Variants in RBM20 observed in about 807,000 individuals in gnomAD.
RBM20 encodes RNA binding motif protein 20, also known as RNA-binding protein 20.
A neutral mutation model predicts 110.1 loss-of-function variants in RBM20; 51 were observed. The ratio of observed to expected loss-of-function variants is 0.46; its 90% CI spans 0.37 to 0.59. The LOEUF (loss-of-function observed/expected upper bound fraction) is 0.59. Ranked by LOEUF, RBM20 falls within the 20% of genes least tolerant of loss-of-function variation. The pLI is 0.00. For synonymous variants in RBM20, 589 were observed against 618.2 expected, an observed-to-expected ratio of 0.95 and a Z score of 0.70; for missense variants, 1,512 against 1,574.9, an observed-to-expected ratio of 0.96 and a Z score of 0.68.
intron 1 of RBM20, among the ~76,000 whole-genome samples, chr10:110,746,435 G>A (rs1284841113): frequency 6.6e-6 from 1 of 152,146 alleles, no homozygotes; most frequent in African/African-American, 2.4e-5. Context: ...ATTTAGTATG[G>A]CTGTACCTTA....
At chr10:110,711,934 A>AAGGT (rs1422981389) in intron 1 of RBM20, among the ~76,000 whole-genome samples, 1 of 152,102 alleles carries the variant, frequency 6.6e-6, no homozygotes, top group African/African-American at 2.4e-5. Flanking sequence ...TTAATATTGT[A>AAGGT]AGGTAATGTG....
chr10:110,657,307 G>GCC (rs891562674), intron 1 of RBM20, among the ~76,000 whole-genome samples: 3 of 151,630 alleles, frequency 2.0e-5, no homozygotes, highest in African/African-American at 7.3e-5. Flanking sequence ...GAGCCACCAT[G>GCC]CCCGGCCTGT....
chr10:110,752,556 A>C (rs916981776), intron 1 of RBM20, among the ~76,000 whole-genome samples: 3 of 152,234 alleles, frequency 2.0e-5, no homozygotes, highest in African/African-American at 7.2e-5. Flanking sequence ...TGATCTGCTA[A>C]ACACTGAACT....
chr10:110,662,880 C>T (rs1192886201), intron 1 of RBM20, among the ~76,000 whole-genome samples: 2 of 152,172 alleles, frequency 1.3e-5, no homozygotes, highest in African/African-American at 4.8e-5. Context: ...CTGTTCATCC[C>T]TACATTGGAC....
At chr10:110,702,956 T>G (rs1862780393) in intron 1 of RBM20, among the ~76,000 whole-genome samples, 2 of 151,938 alleles carry the variant, frequency 1.3e-5, no homozygotes, top group African/African-American at 4.8e-5. Flanking sequence ...TAATAAATAT[T>G]AAGAGTTTGG....
intron 1 of RBM20, among the ~76,000 whole-genome samples, chr10:110,729,230 CT>C (rs1196453978): frequency 6.6e-6 from 1 of 152,158 alleles, no homozygotes; most frequent in African/African-American, 2.4e-5. Context: ...CTCAATAATC[CT>C]TTTCACGTAA....
chr10:110,767,803 G>A (rs1269068256), intron 1 of RBM20, among the ~76,000 whole-genome samples: 1 of 151,990 alleles, frequency 6.6e-6, no homozygotes, highest in Non-Finnish European at 1.5e-5. Flanking sequence ...TCACTTCCTA[G>A]ATGGGATGGC....
chr10:110,722,952 A>T (rs1843524808), intron 1 of RBM20, among the ~76,000 whole-genome samples: 1 of 152,050 alleles, frequency 6.6e-6, no homozygotes, highest in African/African-American at 2.4e-5. Context: ...TCTCTACTAA[A>T]AATATATAAA....
At chr10:110,775,848 C>T (rs1169668822) in intron 1 of RBM20, among the ~76,000 whole-genome samples, 1 of 152,188 alleles carries the variant, frequency 6.6e-6, no homozygotes, top group Admixed American at 6.5e-5. Context: ...TCATGTCCAG[C>T]AAAGTACAGG....
chr10:110,733,517 G>A (rs1049497277), intron 1 of RBM20, among the ~76,000 whole-genome samples: 1 of 152,242 alleles, frequency 6.6e-6, no homozygotes, highest in Non-Finnish European at 1.5e-5. Context: ...AGTGATTTGT[G>A]GTTACTATGA....
At chr10:110,794,426 A>G (rs994985968) in intron 5 of RBM20, among the ~76,000 whole-genome samples, 1 of 152,260 alleles carries the variant, frequency 6.6e-6, no homozygotes, top group Non-Finnish European at 1.5e-5. Flanking sequence ...ACACAAAAGC[A>G]AACTATTAAC....
intron 1 of RBM20, among the ~76,000 whole-genome samples, chr10:110,700,130 C>T (rs896410686): frequency 2.0e-4 from 30 of 152,108 alleles, no homozygotes; most frequent in African/African-American, 5.6e-4. Flanking sequence ...GTTTGGAAAG[C>T]GAAACTGTGG....
intron 1 of RBM20, among the ~76,000 whole-genome samples, chr10:110,712,492 T>A (rs1419704828): frequency 6.6e-6 from 1 of 152,150 alleles, no homozygotes; most frequent in African/African-American, 2.4e-5. Flanking sequence ...AGAGGCTGGG[T>A]GCGGTGGCTC....
intron 1 of RBM20, among the ~76,000 whole-genome samples, chr10:110,660,380 T>C (rs1862084888): frequency 6.6e-6 from 1 of 152,226 alleles, no homozygotes; most frequent in African/African-American, 2.4e-5. Flanking sequence ...TTTTGCTTTA[T>C]TTCTTCCACT....
chr10:110,793,758 A>G (rs1040768316), intron 5 of RBM20, among the ~76,000 whole-genome samples: 2 of 152,362 alleles, frequency 1.3e-5, no homozygotes, highest in East Asian at 3.9e-4. Flanking sequence ...GTGATGTGCT[A>G]AGTTAAAATG....
At position 110,781,793 on chromosome 10, in the gene RBM20, A is replaced by G. The variant is rs2135044852; in HGVS notation, c.1184A>G (p.Gln395Arg). ...DQALLSVRPL[Q>R]AHELNDFHGV... ...GCGTTGCTATCTGTGCGGCCCCTGC[A>G]GGCTCATGAGCTGAACGACTTTCAC... The change falls in exon 2 of 14, where the codon CAG becomes CGG. Residue 395 changes from glutamine (Q) to arginine (R), a missense_variant. This residue lies in a region of RBM20 where 1,149 missense variants were observed against 1,169.4 expected (regional missense o/e 0.98). Transcript: ENST00000369519. 3 of 1,551,790 alleles carry G rather than the reference A, an allele frequency of 1.9e-6. No individual in the cohort carries two copies. The highest frequency in any genetic ancestry group is 2.6e-6 in the Non-Finnish European group (3 of 1,147,002).
At chr10:110,675,207 G>A (rs1254714129) in intron 1 of RBM20, among the ~76,000 whole-genome samples, 3 of 152,134 alleles carry the variant, frequency 2.0e-5, no homozygotes, top group Non-Finnish European at 2.9e-5. Context: ...GGCTATACCC[G>A]GAAAAGAGCA....
At chr10:110,670,244 T>G (rs1159113217) in intron 1 of RBM20, among the ~76,000 whole-genome samples, 2 of 152,320 alleles carry the variant, frequency 1.3e-5, no homozygotes, top group Non-Finnish European at 2.9e-5. Context: ...TGCTTCAACT[T>G]GATTTCCTAG....
intron 8 of RBM20, among the ~76,000 whole-genome samples, chr10:110,810,802 TGTGTGTGTGTGTGCGTGTGTGC>T: frequency 6.7e-6 from 1 of 150,188 alleles, no homozygotes; most frequent in South Asian, 2.1e-4. Flanking sequence ...TGCGTGTGTG[TGTGTGTGTGTGTGCGTGTGTGC>T]GTGTGTGTGT....
Sources: gnomAD v4.1 joint callset for allele counts (sites outside exome capture counted in the v4.1 genomes callset) on GRCh38, gnomAD v4.1.1 for gene constraint, gnomAD v4.1.1 regional missense constraint, MANE v1.5 for transcripts, NCBI Gene and HGNC (gene_info 2026-07-23, HGNC 2026-07-21) for gene names.